The following RELL1 variants were observed in gnomAD, a reference collection of about 807,000 sequenced individuals.
RELL1 encodes the protein RELT like 1, also known as RELT-like protein 1.
RELL1 carries 10 observed loss-of-function variants against 23.0 expected under a neutral mutation model. The ratio of observed to expected loss-of-function variants is 0.43; its 90% CI spans 0.27 to 0.74. The LOEUF (loss-of-function observed/expected upper bound fraction) is 0.74, where lower values mean the gene tolerates loss of function less well. Ranked by LOEUF, RELL1 falls within the 30% of genes least tolerant of loss-of-function variation. The probability of loss-of-function intolerance (pLI) is 0.19; values close to 1 mark genes in which losing one functional copy is unlikely to be tolerated. For synonymous variants in RELL1, 146 were observed against 146.8 expected, an observed-to-expected ratio of 0.99 and a Z score of 0.04; for missense variants, 315 against 364.4, an observed-to-expected ratio of 0.86 and a Z score of 1.10.
chr4:37,681,314 G>GA (rs759150280), intron 1 of RELL1, among the ~76,000 whole-genome samples: 1 of 152,088 alleles, frequency 6.6e-6, no homozygotes, highest in Non-Finnish European at 1.5e-5. Context: ...GCACTCTGGA[G>GA]AAAAAATACT....
At chr4:37,599,943 C>T (rs528947841) in intron 6 of RELL1, among the ~76,000 whole-genome samples, 3 of 152,284 alleles carry the variant, frequency 2.0e-5, no homozygotes, top group African/African-American at 7.2e-5. Flanking sequence ...AAGTGCTTAG[C>T]ACGTACCCAG....
At chr4:37,640,830 A>G (rs1001776743) in intron 3 of RELL1, among the ~76,000 whole-genome samples, 2 of 152,176 alleles carry the variant, frequency 1.3e-5, no homozygotes, top group Admixed American at 6.5e-5. Context: ...CTGATTATAT[A>G]AAGTAATTTG....
intron 1 of RELL1, among the ~76,000 whole-genome samples, chr4:37,684,861 G>A (rs1039816797): frequency 3.3e-5 from 5 of 152,174 alleles, no homozygotes; most frequent in African/African-American, 1.2e-4. Context: ...GCTGAGGCAG[G>A]AGAATCACTT....
intron 6 of RELL1, among the ~76,000 whole-genome samples, chr4:37,620,105 G>A (rs1719717763): frequency 6.6e-6 from 1 of 151,960 alleles, no homozygotes; most frequent in Non-Finnish European, 1.5e-5. Context: ...TATGTATGTG[G>A]GTCAATTCAG....
At chr4:37,632,051 C>G (rs111283315) in intron 5 of RELL1, among the ~76,000 whole-genome samples, 2,001 of 115,098 alleles carry the variant, frequency 0.017, 27 homozygotes, top group Non-Finnish European at 0.024. Context: ...GCACTCCAGC[C>G]TGGGCAACAG....
At chr4:37,592,370 AAAG>A (rs1319162736) in intron 6 of RELL1, among the ~76,000 whole-genome samples, 5 of 151,528 alleles carry the variant, frequency 3.3e-5, no homozygotes, top group African/African-American at 1.2e-4. Flanking sequence ...AAAAAAAAAA[AAAG>A]AGCTAGACTA....
rs1560328230 is a variant in RELL1 at position 37,612,321 on chromosome 4, T to TC, written c.*1024_*1025insG. ...TAACCAAGAATCGCTCAGCTAAAGG[T>TC]TAAAAAAAAAAAAAAAACAAAAAAA... On this transcript the variant is annotated 3_prime_UTR_variant, in exon 7 of 7. Coordinates refer to ENST00000454158, the MANE Select transcript of RELL1 (RefSeq NM_001085400.2). Among the ~76,000 whole-genome samples, 1 of 23,282 alleles carries TC rather than the reference T, an allele frequency of 4.3e-5. No individual in the cohort carries two copies. The highest frequency in any genetic ancestry group is 1.1e-4 in the African/African-American group (1 of 8,776). 15.3% of individuals were successfully genotyped at this position (23,282 alleles called of 152,430 possible). A position where few individuals can be genotyped will look rare whatever the true frequency, so the allele number is the denominator to read the frequency against.
At chr4:37,590,029 G>T, downstream of RELL1, 1 of 1,214,880 alleles carries the variant, frequency 8.2e-7, no homozygotes, top group Non-Finnish European at 1.2e-6. Context: ...AGCAGGGCCT[G>T]TGGTAAAAAG....
downstream of RELL1, among the ~76,000 whole-genome samples, chr4:37,609,625 T>G (rs1410976280): frequency 6.6e-6 from 1 of 152,174 alleles, no homozygotes; most frequent in Non-Finnish European, 1.5e-5. Flanking sequence ...TTAAGAACAT[T>G]TTTGATTCAC....
At chr4:37,626,693 T>C (rs1314895041) in intron 6 of RELL1, among the ~76,000 whole-genome samples, 1 of 152,136 alleles carries the variant, frequency 6.6e-6, no homozygotes, top group African/African-American at 2.4e-5. Context: ...AATGAAACAC[T>C]GTTCGGCCAG....
At chr4:37,647,869 T>G (rs1720762948) in intron 2 of RELL1, among the ~76,000 whole-genome samples, 1 of 152,234 alleles carries the variant, frequency 6.6e-6, no homozygotes, top group South Asian at 2.1e-4. Flanking sequence ...GGATCATAAT[T>G]CTTCCATGTT....
Position 37,612,327 on chromosome 4 carries a change from AAAAAAAAAAAAC to A in RELL1, c.*1007_*1018del, listed in dbSNP as rs952303065. On this transcript the variant is annotated 3_prime_UTR_variant, in exon 7 of 7. Coordinates refer to ENST00000454158, the MANE Select transcript of RELL1 (RefSeq NM_001085400.2). Reference sequence around the variant, plus strand: ...AGAATCGCTCAGCTAAAGGTTAAAAAAAAAAAAAAAACAAAAAAAAACAAAAAACCGGGTGCA... The same window carrying A: ...AGAATCGCTCAGCTAAAGGTTAAAAAAAAAAAAAACAAAAAACCGGGTGCA... Among the ~76,000 whole-genome samples the A allele has an allele frequency of 2.7e-3, 89 of 33,172 alleles. 2 individuals are homozygous for A. In the South Asian group the frequency reaches 0.054, roughly 20 times the overall value. The allele number at this position is 33,172 out of a possible 152,430, so 21.8% of individuals were successfully genotyped here.
chr4:37,596,736 A>ATTTTT (rs1178565372), intron 6 of RELL1, among the ~76,000 whole-genome samples: 3 of 16,508 alleles, frequency 1.8e-4, no homozygotes, highest in Admixed American at 1.2e-3. Flanking sequence ...ATATATATAT[A>ATTTTT]TTTTTTTTTT....
chr4:37,596,722 ATATATATATATATATTTTTTTT>A (rs1234806739), intron 6 of RELL1, among the ~76,000 whole-genome samples: 10 of 10,918 alleles, frequency 9.2e-4, no homozygotes, highest in Non-Finnish European at 3.4e-3. Context: ...ATATATATAT[ATATATATATATATATTTTTTTT>A]TTTTTTTTTT....
rs1719437125 is a variant in RELL1 at position 37,612,507 on chromosome 4, A to G, written c.*839T>C. ...AAAAATTAGTCGAGCGTGGTGGTGCATGCCTGTAATCCCAGCTACTTGGGA... is the reference window on the plus strand; with the variant it reads ...AAAAATTAGTCGAGCGTGGTGGTGCGTGCCTGTAATCCCAGCTACTTGGGA... On this transcript the variant is annotated 3_prime_UTR_variant, in exon 7 of 7. Coordinates refer to ENST00000454158, the MANE Select transcript of RELL1 (RefSeq NM_001085400.2). Among the ~76,000 whole-genome samples the G allele has an allele frequency of 6.6e-6, 1 of 151,484 alleles. No individual in the cohort carries two copies. Among genetic ancestry groups the G allele is most frequent in the Non-Finnish European group, 1.5e-5 (1 of 67,856 alleles).
intron 6 of RELL1, among the ~76,000 whole-genome samples, chr4:37,598,037 T>TAC (rs1198231910): frequency 6.9e-6 from 1 of 144,060 alleles, no homozygotes; most frequent in African/African-American, 2.5e-5. Context: ...CATATATATA[T>TAC]ACACATATAT....
intron 1 of RELL1, among the ~76,000 whole-genome samples, chr4:37,664,990 A>T (rs898624013): frequency 2.6e-5 from 4 of 152,172 alleles, no homozygotes; most frequent in Non-Finnish European, 5.9e-5. Flanking sequence ...GGAGGTGGGG[A>T]AGTGAAGGTT....
At chr4:37,654,456 A>G (rs1414288164) in intron 1 of RELL1, among the ~76,000 whole-genome samples, 1 of 152,238 alleles carries the variant, frequency 6.6e-6, no homozygotes, top group Admixed American at 6.5e-5. Context: ...TTCAATGAAA[A>G]ATAGCTTTTA....
chr4:37,595,962 A>T (rs1420674400), intron 6 of RELL1, among the ~76,000 whole-genome samples: 2 of 152,184 alleles, frequency 1.3e-5, no homozygotes, highest in African/African-American at 2.4e-5. Flanking sequence ...TGACATCCAG[A>T]TCTCACCGTT....
Sources: allele counts gnomAD v4.1 joint callset (sites outside exome capture counted in the v4.1 genomes callset), GRCh38; gene constraint gnomAD v4.1.1; transcripts MANE v1.5; gene names NCBI Gene and HGNC (gene_info 2026-07-23, HGNC 2026-07-21).